The following PDE4D variants were observed in gnomAD, a reference collection of about 807,000 sequenced individuals.
PDE4D encodes 3',5'-cyclic-AMP phosphodiesterase 4D.
Under a neutral mutation model 87.4 loss-of-function variants are expected in PDE4D, and 24 were observed. The observed-to-expected ratio is 0.27, with a 90% CI of 0.20 to 0.39. The LOEUF is 0.39. Ranked by LOEUF, PDE4D falls within the 10% of genes least tolerant of loss-of-function variation. The pLI is 1.00. For synonymous variants in PDE4D, 384 were observed against 383.2 expected, an observed-to-expected ratio of 1.00 and a Z score of -0.02; for missense variants, 714 against 1,041.0, an observed-to-expected ratio of 0.69 and a Z score of 4.32.
At chr5:59,828,406 G>T (rs765277960) in intron 1 of PDE4D, among the ~76,000 whole-genome samples, 5 of 151,928 alleles carry the variant, frequency 3.3e-5, no homozygotes, top group Non-Finnish European at 5.9e-5. Flanking sequence ...AAATGTGAGG[G>T]TATAAAATAC....
intron 3 of PDE4D, among the ~76,000 whole-genome samples, chr5:59,985,969 T>C (rs1023081222): frequency 5.9e-5 from 9 of 152,368 alleles, no homozygotes; most frequent in African/African-American, 2.2e-4. Context: ...ACTTGATTCT[T>C]AAATCTTAAT....
At chr5:60,312,155 T>C (rs1027053473) in intron 1 of PDE4D, among the ~76,000 whole-genome samples, 1 of 152,114 alleles carries the variant, frequency 6.6e-6, no homozygotes, top group Non-Finnish European at 1.5e-5. Context: ...AAAACTAACA[T>C]AGATATATTC....
At chr5:60,137,008 T>A (rs1780112812) in intron 2 of PDE4D, among the ~76,000 whole-genome samples, 1 of 152,072 alleles carries the variant, frequency 6.6e-6, no homozygotes, top group African/African-American at 2.4e-5. Context: ...GTTTCCCCAC[T>A]CCCAATGTGT....
intron 1 of PDE4D, among the ~76,000 whole-genome samples, chr5:59,552,496 A>C (rs755926429): frequency 1.1e-4 from 16 of 152,204 alleles, no homozygotes; most frequent in Non-Finnish European, 2.2e-4. Flanking sequence ...TATTACATAC[A>C]AATATTATGT....
chr5:59,347,242 T>C (rs538124977), intron 1 of PDE4D, among the ~76,000 whole-genome samples: 1 of 152,294 alleles, frequency 6.6e-6, no homozygotes, highest in South Asian at 2.1e-4. Context: ...TCTATTTTGT[T>C]ACCCTATATA....
chr5:60,175,239 C>A (rs189550769), intron 2 of PDE4D, among the ~76,000 whole-genome samples: 1 of 152,038 alleles, frequency 6.6e-6, no homozygotes, highest in African/African-American at 2.4e-5. Flanking sequence ...TTTTTAATCT[C>A]TTTGACTATG....
At chr5:60,461,078 G>C (rs1432943067) in intron 1 of PDE4D, among the ~76,000 whole-genome samples, 1 of 151,898 alleles carries the variant, frequency 6.6e-6, no homozygotes, top group Non-Finnish European at 1.5e-5. Context: ...TTAACAAATG[G>C]CTTTTATTTT....
chr5:59,512,168 A>G (rs575450496), intron 1 of PDE4D, among the ~76,000 whole-genome samples: 3 of 152,318 alleles, frequency 2.0e-5, no homozygotes, highest in African/African-American at 7.2e-5. Context: ...TCTGCTGTTG[A>G]ATACCATGTT....
intron 1 of PDE4D, among the ~76,000 whole-genome samples, chr5:59,583,527 C>T (rs181244825): frequency 2.6e-5 from 4 of 152,288 alleles, no homozygotes; most frequent in East Asian, 1.9e-4. Flanking sequence ...AAGAAGCCTT[C>T]GCAATAAAAT....
rs561588176 is a variant in PDE4D, at chr5:59,452,703, G to C, written c.456-236735C>G. On this transcript the variant is annotated intron_variant, in intron 1 of 14. Coordinates refer to ENST00000340635, the MANE Select transcript of PDE4D (RefSeq NM_001104631.2). Reference sequence around the variant, plus strand: ...AAGTCTTGAGACCACAGCCTTCAGAGCGTAGCCTCCAACTATAAAGGGCAG... The same window carrying C: ...AAGTCTTGAGACCACAGCCTTCAGACCGTAGCCTCCAACTATAAAGGGCAG... Among the ~76,000 whole-genome samples the C allele has an allele frequency of 3.9e-5, 6 of 152,298 alleles. No individual in the cohort carries two copies. The East Asian group carries it at 1.2e-3, about 29-fold the overall frequency.
intron 1 of PDE4D, among the ~76,000 whole-genome samples, chr5:59,324,743 C>A (rs959529641): frequency 6.6e-6 from 1 of 152,022 alleles, no homozygotes; most frequent in Non-Finnish European, 1.5e-5. Flanking sequence ...TGACTTGGAG[C>A]CTCCCACCTC....
At chr5:59,849,643 T>A (rs867923242) in intron 1 of PDE4D, among the ~76,000 whole-genome samples, 12 of 152,094 alleles carry the variant, frequency 7.9e-5, no homozygotes, top group East Asian at 3.9e-4. Flanking sequence ...TTTTTTTTTT[T>A]AAATCATACA....
At chr5:59,562,378 A>C (rs886365405) in intron 1 of PDE4D, among the ~76,000 whole-genome samples, 4 of 152,186 alleles carry the variant, frequency 2.6e-5, no homozygotes, top group African/African-American at 4.8e-5. Context: ...GATAACCATG[A>C]AGGAATTATT....
intron 2 of PDE4D, among the ~76,000 whole-genome samples, chr5:60,138,333 A>G (rs1184006073): frequency 6.6e-6 from 1 of 152,166 alleles, no homozygotes; most frequent in Non-Finnish European, 1.5e-5. Context: ...AATATTGGGC[A>G]GAACACAGCC....
chr5:59,704,628 C>T (rs1200812167), intron 1 of PDE4D, among the ~76,000 whole-genome samples: 1 of 152,178 alleles, frequency 6.6e-6, no homozygotes, highest in Non-Finnish European at 1.5e-5. Context: ...TGCTATAATT[C>T]CTGAATCCAG....
chr5:59,295,486 A>G (rs1768882370), intron 1 of PDE4D, among the ~76,000 whole-genome samples: 1 of 151,982 alleles, frequency 6.6e-6, no homozygotes, highest in Non-Finnish European at 1.5e-5. Context: ...CTGTTCTTCT[A>G]GGTTATCCAG....
At chr5:59,757,932 C>A (rs1761484843) in intron 1 of PDE4D, among the ~76,000 whole-genome samples, 2 of 152,140 alleles carry the variant, frequency 1.3e-5, no homozygotes, top group Admixed American at 1.3e-4. Flanking sequence ...TCTATACAAG[C>A]CACATGTGTA....
At chr5:59,554,306 A>G (rs140017565) in intron 1 of PDE4D, among the ~76,000 whole-genome samples, 4 of 152,246 alleles carry the variant, frequency 2.6e-5, no homozygotes, top group African/African-American at 9.6e-5. Flanking sequence ...TTCTCCTTGA[A>G]TCTTCACAAC....
intron 5 of PDE4D, chr5:59,091,178 G>A (rs1768662360): frequency 2.2e-6 from 1 of 448,180 alleles, no homozygotes. Flanking sequence ...TTAGAACGTG[G>A]AGCAACAGGA....
Sources: gnomAD v4.1 joint callset for allele counts (sites outside exome capture counted in the v4.1 genomes callset) on GRCh38, gnomAD v4.1.1 for gene constraint, MANE v1.5 for transcripts, NCBI Gene and HGNC (gene_info 2026-07-23, HGNC 2026-07-21) for gene names.